Variants in FBXO36 observed in about 807,000 individuals in gnomAD.
FBXO36 encodes F-box only protein 36.
A neutral mutation model predicts 17.0 loss-of-function variants in FBXO36; 18 were observed. The ratio of observed to expected loss-of-function variants is 1.06; its 90% CI spans 0.73 to 1.57. The LOEUF (loss-of-function observed/expected upper bound fraction) is 1.57. FBXO36 is among the 40% of genes most tolerant of loss of function. FBXO36 has a pLI of 0.00. For synonymous variants in FBXO36, 83 were observed against 85.3 expected (o/e 0.97, Z 0.15); for missense variants, 229 against 221.9 (o/e 1.03, Z -0.20).
intron 1 of FBXO36, among the ~76,000 whole-genome samples, chr2:229,949,750 C>G (rs2077047240): frequency 6.6e-6 from 1 of 151,970 alleles, no homozygotes; most frequent in Non-Finnish European, 1.5e-5. Flanking sequence ...ACGGTGAAAC[C>G]CTGACTCTAC....
At chr2:229,952,916 A>G (rs1401817106) in intron 1 of FBXO36, among the ~76,000 whole-genome samples, 1 of 152,236 alleles carries the variant, frequency 6.6e-6, no homozygotes, top group Non-Finnish European at 1.5e-5. Flanking sequence ...TTGACTCAAC[A>G]GAGAGGTGAG....
chr2:229,995,588 C>CTTTTTTTTTT (rs1560454291), intron 2 of FBXO36, among the ~76,000 whole-genome samples: 1 of 121,344 alleles, frequency 8.2e-6, no homozygotes, highest in Non-Finnish European at 1.7e-5. Context: ...CTTTCTCTTT[C>CTTTTTTTTTT]TTTCTTTCTT....
rs564102938 is a variant in FBXO36 at position 229,964,887 on chromosome 2, G to C, written c.97-11354G>C. 5.8e-4 allele frequency among the ~76,000 whole-genome samples: 88 copies of C among 152,296 alleles called. No individual in the cohort carries two copies. In the South Asian group the frequency reaches 0.018, roughly 31 times the overall value. Reference sequence around the variant, plus strand: ...TATGGATGTACTTACCTGTTTACCAGTTGATGTTTGTTTTGGTTATTTCCA... The same window carrying C: ...TATGGATGTACTTACCTGTTTACCACTTGATGTTTGTTTTGGTTATTTCCA... On this transcript the variant is annotated intron_variant, in intron 1 of 3. Coordinates refer to ENST00000283946, the MANE Select transcript of FBXO36 (RefSeq NM_174899.5).
intron 1 of FBXO36, among the ~76,000 whole-genome samples, chr2:229,928,619 A>G (rs951420547): frequency 3.9e-5 from 6 of 152,170 alleles, no homozygotes; most frequent in Non-Finnish European, 8.8e-5. Context: ...TGAATATTGA[A>G]TATTGAATAG....
At chr2:229,947,464 C>G (rs1225721565) in intron 1 of FBXO36, among the ~76,000 whole-genome samples, 2 of 152,128 alleles carry the variant, frequency 1.3e-5, no homozygotes, top group Admixed American at 1.3e-4. Flanking sequence ...AGGGGTCACT[C>G]CTTGGCCTTC....
intron 1 of FBXO36, among the ~76,000 whole-genome samples, chr2:229,969,905 T>C (rs2106189616): frequency 6.6e-6 from 1 of 152,198 alleles, no homozygotes; most frequent in East Asian, 1.9e-4. Flanking sequence ...GAAGAGGATA[T>C]ATGAATGGCA....
chr2:229,958,969 C>A (rs910393291), intron 1 of FBXO36, among the ~76,000 whole-genome samples: 1 of 152,086 alleles, frequency 6.6e-6, no homozygotes. Flanking sequence ...CCAAGGTCAC[C>A]CAGTTAGTAA....
At chr2:229,997,031 T>A in intron 3 of FBXO36, 108 bp downstream of exon 3, 1 of 958,778 alleles carries the variant, frequency 1.0e-6, no homozygotes, top group Non-Finnish European at 1.6e-6. Flanking sequence ...ATGGACACTG[T>A]CTTAGGTGCA....
chr2:229,997,024 GACACTGTCTTAGGTGC>G, intron 3 of FBXO36, 101 bp downstream of exon 3: 1 of 1,065,026 alleles, frequency 9.4e-7, no homozygotes, highest in Non-Finnish European at 1.4e-6. Context: ...CTTTGTGATG[GACACTGTCTTAGGTGC>G]ACAAGCAGCA....
chr2:229,955,803 T>C (rs1035292248), intron 1 of FBXO36, among the ~76,000 whole-genome samples: 54 of 152,230 alleles, frequency 3.5e-4, no homozygotes, highest in Admixed American at 1.4e-3. Context: ...CTCTACATTA[T>C]CATGGCCAAT....
At chr2:230,003,746 C>G (rs913365379) in intron 3 of FBXO36, among the ~76,000 whole-genome samples, 3 of 152,172 alleles carry the variant, frequency 2.0e-5, no homozygotes, top group Non-Finnish European at 4.4e-5. Flanking sequence ...GTTGGCCAGG[C>G]TAGTCTTGAA....
intron 1 of FBXO36, among the ~76,000 whole-genome samples, chr2:229,928,821 G>A (rs2076924965): frequency 6.6e-6 from 1 of 151,990 alleles, no homozygotes; most frequent in African/African-American, 2.4e-5. Context: ...GGTGTGTAGT[G>A]GTGCAGTCAG....
intron 1 of FBXO36, among the ~76,000 whole-genome samples, chr2:229,928,850 T>C (rs1260465778): frequency 1.3e-5 from 2 of 152,174 alleles, no homozygotes; most frequent in Non-Finnish European, 2.9e-5. Context: ...AGCCTCAAAC[T>C]CCTGGGCTCA....
chr2:229,968,515 T>C (rs1253436926), intron 1 of FBXO36, among the ~76,000 whole-genome samples: 3 of 152,206 alleles, frequency 2.0e-5, no homozygotes, highest in African/African-American at 7.2e-5. Flanking sequence ...TCACCCAGGC[T>C]AGAATGCTGT....
At chr2:229,938,317 G>A (rs1331575710) in intron 1 of FBXO36, among the ~76,000 whole-genome samples, 1 of 144,146 alleles carries the variant, frequency 6.9e-6, no homozygotes, top group Non-Finnish European at 1.5e-5. Context: ...CGCCTCCTGG[G>A]TTCAGGCGAT....
intron 1 of FBXO36, among the ~76,000 whole-genome samples, chr2:229,972,785 CA>C (rs959985387): frequency 6.6e-5 from 10 of 151,972 alleles, no homozygotes; most frequent in Middle Eastern, 3.2e-3. Flanking sequence ...ATATTGTGGC[CA>C]GGGGTGGTGG....
intron 1 of FBXO36, chr2:229,937,905 T>TTA (rs1390192406): frequency 1.3e-5 from 2 of 152,230 alleles, no homozygotes; most frequent in Non-Finnish European, 2.9e-5. Flanking sequence ...TTGATAGCAC[T>TTA]TACCATGGTG....
chr2:229,927,221 A>G (rs924742876), intron 1 of FBXO36, among the ~76,000 whole-genome samples: 1 of 152,294 alleles, frequency 6.6e-6, no homozygotes, highest in East Asian at 1.9e-4. Context: ...ATATATTCCT[A>G]TTTATAGTGG....
intron 2 of FBXO36, among the ~76,000 whole-genome samples, chr2:229,990,750 G>A (rs926103111): frequency 3.9e-5 from 6 of 152,074 alleles, no homozygotes; most frequent in Non-Finnish European, 7.4e-5. Context: ...TTTGAGCTGG[G>A]GAGTTCTTCT....
Sources: gnomAD v4.1 joint callset for allele counts (sites outside exome capture counted in the v4.1 genomes callset) on GRCh38, gnomAD v4.1.1 for gene constraint, MANE v1.5 for transcripts, NCBI Gene and HGNC (gene_info 2026-07-23, HGNC 2026-07-21) for gene names.